GTF2B: variants seen among roughly 807,000 people sequenced by gnomAD.
GTF2B encodes transcription initiation factor IIB.
GTF2B carries 20 observed loss-of-function variants against 34.6 expected under a neutral mutation model. The ratio of observed to expected loss-of-function variants is 0.58; its 90% confidence interval spans 0.41 to 0.84. The LOEUF is 0.84. GTF2B is among the 40% of genes least tolerant of loss of function. GTF2B has a pLI of 0.00. For synonymous variants in GTF2B, 142 were observed against 132.4 expected (o/e 1.07, Z -0.50); for missense variants, 237 against 393.3 (o/e 0.60, Z 3.36).
Position 88,857,355 on chromosome 1 carries a change from C to G in GTF2B, c.668G>C (p.Cys223Ser). The G allele has an allele frequency of 6.2e-7, 1 of 1,613,930 alleles. No homozygotes were observed. The highest frequency in any genetic ancestry group is 8.5e-7 in the Non-Finnish European group (1 of 1,179,820). Residue 223 changes from cysteine to serine, a missense_variant, in exon 6 of 7, where the codon TGT becomes TCT. By Grantham distance (112) the Cys-to-Ser change is moderately radical. Transcript: ENST00000370500. ...DFMSRFCSNL[C>S]LPKQVQMAAT... ...TGCCATCTGTACTTGTTTAGGAAGA[C>G]AAAGGTTGGAACAGAACCTGGACAT...
intron 6 of GTF2B, among the ~76,000 whole-genome samples, chr1:88,854,146 T>G (rs1182341866): frequency 6.6e-6 from 1 of 152,234 alleles, no homozygotes; most frequent in African/African-American, 2.4e-5. Context: ...TATATTTCTG[T>G]GTTTGAAAGC....
Position 88,869,050 on chromosome 1 carries a change from AT to A in GTF2B, c.125-4937del, listed in dbSNP as rs149526846. Among the ~76,000 whole-genome samples the A allele has an allele frequency of 5.3e-3, 808 of 152,212 alleles. 10 individuals carry two copies. The highest frequency in any genetic ancestry group is 0.019 in the African/African-American group (770 of 41,532). On this transcript the variant is annotated intron_variant, in intron 2 of 6. Coordinates refer to ENST00000370500, the MANE Select transcript of GTF2B (RefSeq NM_001514.6). ...CACCGCGCCCGGCCTGTATCTGTGT[AT>A]TCTGCATCCGCGGATTCAACCAACC...
intron 2 of GTF2B, among the ~76,000 whole-genome samples, chr1:88,879,078 A>G (rs977269932): frequency 6.6e-6 from 1 of 152,200 alleles, no homozygotes; most frequent in African/African-American, 2.4e-5. Context: ...AAATGAAACA[A>G]AAATTGGTTC....
chr1:88,876,637 T>C (rs892543861), intron 2 of GTF2B, among the ~76,000 whole-genome samples: 35 of 152,224 alleles, frequency 2.3e-4, no homozygotes, highest in African/African-American at 8.2e-4. Context: ...GCCATAATCA[T>C]GCCACTAGCC....
intron 2 of GTF2B, among the ~76,000 whole-genome samples, chr1:88,881,447 T>C (rs1427700445): frequency 6.6e-6 from 1 of 152,210 alleles, no homozygotes; most frequent in Non-Finnish European, 1.5e-5. Context: ...ATGACATTAA[T>C]ATATACAGGT....
At chr1:88,883,568 C>T (rs1202290681) in intron 2 of GTF2B, among the ~76,000 whole-genome samples, 1 of 151,792 alleles carries the variant, frequency 6.6e-6, no homozygotes, top group Non-Finnish European at 1.5e-5. Context: ...AAAAAATTAG[C>T]CAGGGTCCTG....
At chr1:88,865,705 G>A (rs1673532454) in intron 2 of GTF2B, among the ~76,000 whole-genome samples, 1 of 152,098 alleles carries the variant, frequency 6.6e-6, no homozygotes, top group Admixed American at 6.5e-5. Flanking sequence ...ATACAAAATA[G>A]CTGGGCGTGG....
chr1:88,890,921 C>T (rs924299936), intron 1 of GTF2B, among the ~76,000 whole-genome samples: 2 of 152,208 alleles, frequency 1.3e-5, no homozygotes, highest in East Asian at 3.9e-4. Flanking sequence ...CTAATCAACT[C>T]TTCCGATGGC....
At chr1:88,857,077 A>G (rs1673329771) in intron 6 of GTF2B, 129 bp downstream of exon 6, 1 of 787,486 alleles carries the variant, frequency 1.3e-6, no homozygotes, top group East Asian at 2.5e-5. Flanking sequence ...CTGAGATTAT[A>G]GGTGTGAGCC....
At chr1:88,863,931 G>T (rs1253533785) in intron 3 of GTF2B, 50 bp downstream of exon 3, 3 of 1,574,624 alleles carry the variant, frequency 1.9e-6, no homozygotes, top group Non-Finnish European at 2.6e-6. Context: ...CAAACTCTCA[G>T]GTCTATGGTC....
intron 2 of GTF2B, among the ~76,000 whole-genome samples, chr1:88,883,930 C>T (rs113973139): frequency 2.0e-5 from 3 of 152,064 alleles, no homozygotes; most frequent in African/African-American, 7.2e-5. Flanking sequence ...ACTGAATTAA[C>T]ACTTTTGCAA....
intron 5 of GTF2B, among the ~76,000 whole-genome samples, chr1:88,857,800 G>C (rs1196230867): frequency 6.9e-6 from 1 of 145,920 alleles, no homozygotes; most frequent in African/African-American, 2.5e-5. Flanking sequence ...TCCTGCCTCA[G>C]CCTCCCGAGT....
At chr1:88,866,305 G>A (rs1351890804) in intron 2 of GTF2B, among the ~76,000 whole-genome samples, 1 of 152,188 alleles carries the variant, frequency 6.6e-6, no homozygotes, top group African/African-American at 2.4e-5. Context: ...AGGGAGCCAT[G>A]ATTACACCAC....
intron 2 of GTF2B, among the ~76,000 whole-genome samples, chr1:88,876,333 T>C (rs1673815825): frequency 1.3e-5 from 2 of 151,998 alleles, no homozygotes; most frequent in African/African-American, 4.8e-5. Context: ...TGCTATGAAA[T>C]GTGGCATCTC....
intron 2 of GTF2B, among the ~76,000 whole-genome samples, 178 bp downstream of exon 2, chr1:88,887,083 T>C (rs1166319616): frequency 6.6e-6 from 1 of 152,044 alleles, no homozygotes; most frequent in Non-Finnish European, 1.5e-5. Flanking sequence ...TACGCCCGGC[T>C]AGTTTTTGTA....
intron 2 of GTF2B, among the ~76,000 whole-genome samples, chr1:88,874,598 C>T (rs1177285943): frequency 1.3e-5 from 2 of 150,646 alleles, no homozygotes; most frequent in African/African-American, 4.9e-5. Context: ...CCGCCTCAGC[C>T]TCCTGAGTTA....
At chr1:88,859,118 G>A (rs761795983) in intron 5 of GTF2B, among the ~76,000 whole-genome samples, 3 of 151,956 alleles carry the variant, frequency 2.0e-5, no homozygotes, top group East Asian at 1.9e-4. Flanking sequence ...CAACCACCTC[G>A]GCCTCCCAAA....
rs56331310 is a variant in GTF2B at position 88,874,497 on chromosome 1, ATTTTTTTTTT to A, written c.125-10393_125-10384del. 2.2e-3 allele frequency among the ~76,000 whole-genome samples: 187 copies of A among 83,582 alleles called. 1 individual carries two copies. Among genetic ancestry groups the A allele is most frequent in the African/African-American group, 7.8e-3 (173 of 22,054 alleles). 54.8% of individuals were successfully genotyped at this position (83,582 alleles called of 152,430 possible). On this transcript the variant is annotated intron_variant, in intron 2 of 6. Transcript: ENST00000370500. Reference sequence around the variant, plus strand: ...TGCGCCACCACACACAGCTAATTAAATTTTTTTTTTTTTTTTTTTTTTTTTTTTACAGACA... The same window carrying A: ...TGCGCCACCACACACAGCTAATTAAATTTTTTTTTTTTTTTTTTACAGACA...
At chr1:88,864,443 A>C (rs1259855034) in intron 2 of GTF2B, among the ~76,000 whole-genome samples, 1 of 152,236 alleles carries the variant, frequency 6.6e-6, no homozygotes, top group African/African-American at 2.4e-5. Flanking sequence ...TTTTGCACAA[A>C]ATTTGCAATA....
Sources: allele counts gnomAD v4.1 joint callset (sites outside exome capture counted in the v4.1 genomes callset), GRCh38; gene constraint gnomAD v4.1.1; transcripts MANE v1.5; gene names NCBI Gene and HGNC (gene_info 2026-07-23, HGNC 2026-07-21).